HECW1: variants seen among roughly 807,000 people sequenced by gnomAD.
The protein encoded by HECW1 is E3 ubiquitin-protein ligase HECW1.
A neutral mutation model predicts 182.3 loss-of-function variants in HECW1; 61 were observed. The ratio of observed to expected loss-of-function variants is 0.33; its 90% CI spans 0.27 to 0.41. HECW1 has a LOEUF of 0.41. Ranked by LOEUF, HECW1 falls within the 10% of genes least tolerant of loss-of-function variation. HECW1 has a pLI of 1.00. For synonymous variants in HECW1, 859 were observed against 832.6 expected (o/e 1.03, Z -0.55); for missense variants, 1,739 against 2,108.9 (o/e 0.82, Z 3.44).
intron 5 of HECW1, among the ~76,000 whole-genome samples, chr7:43,334,701 G>A (rs1288660885): frequency 6.6e-6 from 1 of 152,200 alleles, no homozygotes; most frequent in Non-Finnish European, 1.5e-5. Flanking sequence ...TAGAATGAAT[G>A]TCAGTCTCTT....
At chr7:43,134,356 T>G (rs1787288170) in intron 2 of HECW1, among the ~76,000 whole-genome samples, 1 of 127,512 alleles carries the variant, frequency 7.8e-6, no homozygotes, top group South Asian at 2.6e-4. Context: ...ATTGCACCAT[T>G]GCACTCCAGT....
chr7:43,215,992 G>A (rs1266885923), intron 2 of HECW1, among the ~76,000 whole-genome samples: 1 of 152,144 alleles, frequency 6.6e-6, no homozygotes, highest in Non-Finnish European at 1.5e-5. Context: ...ACCCCATGAC[G>A]GAGAGATGTT....
chr7:43,404,169 G>A (rs1488192739), intron 7 of HECW1, among the ~76,000 whole-genome samples: 1 of 152,142 alleles, frequency 6.6e-6, no homozygotes, highest in African/African-American at 2.4e-5. Flanking sequence ...ACCTCTTATT[G>A]CAACAGTTTT....
At chr7:43,325,948 C>T (rs563548376) in intron 5 of HECW1, among the ~76,000 whole-genome samples, 8 of 152,304 alleles carry the variant, frequency 5.3e-5, no homozygotes, top group African/African-American at 1.4e-4. Context: ...CCATCTGTCT[C>T]AGTCCGTTGA....
At chr7:43,374,944 A>T (rs2074266691) in intron 6 of HECW1, among the ~76,000 whole-genome samples, 1 of 152,100 alleles carries the variant, frequency 6.6e-6, no homozygotes, top group African/African-American at 2.4e-5. Flanking sequence ...ATAGTAGAAA[A>T]TTTGTAGACA....
chr7:43,314,179 C>T (rs1410406305), intron 4 of HECW1, among the ~76,000 whole-genome samples: 1 of 152,130 alleles, frequency 6.6e-6, no homozygotes, highest in Non-Finnish European at 1.5e-5. Flanking sequence ...TGTTATTCCT[C>T]AAGTTAGGTA....
intron 2 of HECW1, among the ~76,000 whole-genome samples, chr7:43,139,182 A>C (rs1282687789): frequency 6.6e-6 from 1 of 152,130 alleles, no homozygotes; most frequent in Non-Finnish European, 1.5e-5. Context: ...ACCTGACCCT[A>C]GGGGGGCTGC....
chr7:43,336,172 C>A (rs200717791), intron 5 of HECW1, among the ~76,000 whole-genome samples: 1 of 128,420 alleles, frequency 7.8e-6, no homozygotes, highest in Non-Finnish European at 1.6e-5. Flanking sequence ...CTCTCTCTCT[C>A]TCTCTCTCTC....
chr7:43,356,388 C>G (rs1815139072), intron 5 of HECW1, among the ~76,000 whole-genome samples: 1 of 152,138 alleles, frequency 6.6e-6, no homozygotes, highest in Non-Finnish European at 1.5e-5. Context: ...CACCCAACAC[C>G]AGAGCTCCCA....
At chr7:43,336,103 C>CT (rs1554364377) in intron 5 of HECW1, among the ~76,000 whole-genome samples, 2 of 107,112 alleles carry the variant, frequency 1.9e-5, no homozygotes, top group African/African-American at 7.6e-5. Context: ...TTCTTTCTTT[C>CT]TTCTTTCTTT....
intron 3 of HECW1, among the ~76,000 whole-genome samples, chr7:43,305,693 C>T (rs1038302006): frequency 2.0e-5 from 3 of 151,398 alleles, no homozygotes; most frequent in Non-Finnish European, 2.9e-5. Flanking sequence ...CTCCACCTCC[C>T]GGGTTCAAGC....
Position 43,250,118 on chromosome 7 carries a change from AAC to A in HECW1, c.27+6201_27+6202del, listed in dbSNP as rs10648012. 1.3e-3 allele frequency among the ~76,000 whole-genome samples: 193 copies of A among 151,142 alleles called. 1 individual carries two copies. The highest frequency in any genetic ancestry group is 4.3e-3 in the African/African-American group (175 of 41,136). ...TCTCTTGCAGATTTTTTTTAACCAA[AAC>A]ACACACACACACACGCGCACACACA... On this transcript the variant is annotated intron_variant, in intron 3 of 29. Coordinates refer to ENST00000395891, the MANE Select transcript of HECW1 (RefSeq NM_015052.5).
chr7:43,341,806 T>TA (rs1385060126), intron 5 of HECW1, among the ~76,000 whole-genome samples: 3 of 151,868 alleles, frequency 2.0e-5, no homozygotes, highest in Non-Finnish European at 4.4e-5. Context: ...TATCAAATTA[T>TA]AAAATTTTGA....
At chr7:43,145,258 C>T (rs1351820501) in intron 2 of HECW1, among the ~76,000 whole-genome samples, 3 of 152,110 alleles carry the variant, frequency 2.0e-5, no homozygotes, top group African/African-American at 7.2e-5. Context: ...GAGTGTGTTT[C>T]CCTGGTAAAA....
At chr7:43,509,712 T>C (rs1325113596) in intron 24 of HECW1, 2 of 152,200 alleles carry the variant, frequency 1.3e-5, no homozygotes, top group East Asian at 1.9e-4. Context: ...GTATTAGAGG[T>C]CTCCAGAAAG....
At chr7:43,501,190 T>TC (rs1313420621) in intron 20 of HECW1, 23 bp from the exon 21 acceptor site, 1 of 1,083,194 alleles carries the variant, frequency 9.2e-7, no homozygotes, top group Non-Finnish European at 1.3e-6. Context: ...TTTCTTTTTT[T>TC]TTTTTTTTTT....
intron 3 of HECW1, among the ~76,000 whole-genome samples, chr7:43,267,354 A>G (rs1046378119): frequency 6.6e-6 from 1 of 152,128 alleles, no homozygotes; most frequent in Non-Finnish European, 1.5e-5. Flanking sequence ...GAAAAGTACT[A>G]TTGGCCAAAG....
At chr7:43,418,583 A>G (rs1156894757) in intron 8 of HECW1, among the ~76,000 whole-genome samples, 2 of 151,970 alleles carry the variant, frequency 1.3e-5, no homozygotes, top group East Asian at 3.8e-4. Flanking sequence ...TTTTCTCTAT[A>G]AACTCCATTC....
intron 16 of HECW1, among the ~76,000 whole-genome samples, chr7:43,477,010 C>T (rs1356813688): frequency 2.6e-5 from 4 of 151,954 alleles, no homozygotes; most frequent in Non-Finnish European, 5.9e-5. Flanking sequence ...CTTTAACATC[C>T]CGACAACAAT....
Sources: allele counts gnomAD v4.1 joint callset (sites outside exome capture counted in the v4.1 genomes callset), GRCh38; gene constraint gnomAD v4.1.1; transcripts MANE v1.5; gene names NCBI Gene and HGNC (gene_info 2026-07-23, HGNC 2026-07-21).